Variants in MYO10 observed in about 807,000 individuals in gnomAD.
MYO10 encodes the protein myosin X.
MYO10 carries 133 observed loss-of-function variants against 257.3 expected under a neutral mutation model. The ratio of observed to expected loss-of-function variants is 0.52; its 90% confidence interval spans 0.45 to 0.60. The LOEUF (loss-of-function observed/expected upper bound fraction) is 0.60, where lower values mean the gene tolerates loss of function less well. Ranked by LOEUF, MYO10 falls within the 20% of genes least tolerant of loss-of-function variation. The probability of loss-of-function intolerance (pLI) is 0.00; values close to 1 mark genes in which losing one functional copy is unlikely to be tolerated. For synonymous variants in MYO10, 1,104 were observed against 1,028.6 expected (o/e 1.07, Z -1.40); for missense variants, 2,399 against 2,635.7 (o/e 0.91, Z 1.97).
chr5:16,934,317 G>T (rs1260264453), intron 1 of MYO10, among the ~76,000 whole-genome samples: 1 of 152,206 alleles, frequency 6.6e-6, no homozygotes, highest in African/African-American at 2.4e-5. Flanking sequence ...CGTGCAAACT[G>T]AATACAAATT....
Position 16,893,067 on chromosome 5 carries a change from G to A in MYO10, c.22-15360C>T, listed in dbSNP as rs1222315211. ...AAAAAATTAGCCGGGCGTGGTGGCG[G>A]GCGCCTGTAGTCCCAGCTACTCGGG... On this transcript the variant is annotated intron_variant, in intron 1 of 40. Transcript: ENST00000513610. Among the ~76,000 whole-genome samples, 5 of 151,648 alleles carry A rather than the reference G, an allele frequency of 3.3e-5. 1 individual carries two copies. In the East Asian group the frequency reaches 5.9e-4, roughly 18 times the overall value.
In MYO10 at chr5:16,670,643, G is replaced by A; in HGVS notation, c.5766C>T (p.Ala1922=). The A allele has an allele frequency of 1.2e-6, 2 of 1,613,994 alleles. No individual in the cohort carries two copies. Among genetic ancestry groups the A allele is most frequent in the Non-Finnish European group, 1.7e-6 (2 of 1,179,886 alleles). ...ATTTCCTCCACTTGTCAATGATACT[G>A]GCTCGAGCAGAGGAGACTTCTTCCT... ...WIKEEVSSAR[A]SIIDKWRKFQ... is the part of the protein sequence containing the mutation. Residue 1922 remains alanine, a synonymous_variant, in exon 39 of 41, where the codon GCC becomes GCT. Coordinates refer to ENST00000513610, the MANE Select transcript of MYO10 (RefSeq NM_012334.3).
chr5:16,710,221 T>C (rs976914882), intron 21 of MYO10, among the ~76,000 whole-genome samples: 6 of 152,158 alleles, frequency 3.9e-5, no homozygotes, highest in Non-Finnish European at 7.3e-5. Context: ...GTCTTTCCCA[T>C]GTGACAAGTC....
chr5:16,802,795 G>GA (rs1298838735), intron 3 of MYO10, among the ~76,000 whole-genome samples: 1 of 151,892 alleles, frequency 6.6e-6, no homozygotes, highest in East Asian at 1.9e-4. Flanking sequence ...GAAATAACAA[G>GA]AAACATTATG....
intron 3 of MYO10, among the ~76,000 whole-genome samples, chr5:16,807,042 T>A (rs114969559): frequency 3.9e-4 from 60 of 152,238 alleles, no homozygotes; most frequent in Middle Eastern, 3.4e-3. Context: ...GGGAAATGGG[T>A]TATTTAAAGT....
chr5:16,817,060 C>T (rs1742646944), intron 3 of MYO10, among the ~76,000 whole-genome samples: 1 of 152,068 alleles, frequency 6.6e-6, no homozygotes, highest in African/African-American at 2.4e-5. Flanking sequence ...CCTCGTGATC[C>T]GCCCACCTCG....
At chr5:16,775,094 A>G (rs1741176401) in intron 9 of MYO10, among the ~76,000 whole-genome samples, 1 of 152,202 alleles carries the variant, frequency 6.6e-6, no homozygotes, top group Non-Finnish European at 1.5e-5. Context: ...TCAGCCACCA[A>G]CCTGGTGGGC....
intron 28 of MYO10, 85 bp downstream of exon 28, chr5:16,689,739 C>G: frequency 2.6e-6 from 3 of 1,138,590 alleles, no homozygotes; most frequent in Non-Finnish European, 3.9e-6. Flanking sequence ...AAGGCCAGTA[C>G]AGTAAACAGT....
chr5:16,751,200 G>A (rs1740367756), intron 19 of MYO10, among the ~76,000 whole-genome samples: 1 of 152,032 alleles, frequency 6.6e-6, no homozygotes, highest in African/African-American at 2.4e-5. Context: ...CCCCATCTCT[G>A]GAGAGGAAGA....
intron 5 of MYO10, 67 bp from the exon 6 acceptor site, chr5:16,781,896 C>G: frequency 6.5e-7 from 1 of 1,541,660 alleles, no homozygotes; most frequent in Non-Finnish European, 8.8e-7. Context: ...AATAGCACTT[C>G]TCACAAATGT....
At chr5:16,676,861 A>T (rs750792205) in intron 33 of MYO10, among the ~76,000 whole-genome samples, 2 of 152,130 alleles carry the variant, frequency 1.3e-5, no homozygotes, top group Non-Finnish European at 2.9e-5. Flanking sequence ...AGAGCAAAAT[A>T]AAAAAAATTA....
rs1190770142 is a variant in MYO10 at position 16,662,236 on chromosome 5, G to C, written c.*4456C>G. The stretch of plus-strand genomic sequence containing the variant: ...ACAAATACAGAACTTTACTATAGCA[G>C]ATTTTTGACCCCAATTTAGTGTGCT... On this transcript the variant is annotated 3_prime_UTR_variant, in exon 41 of 41. Coordinates refer to ENST00000513610, the MANE Select transcript of MYO10 (RefSeq NM_012334.3). 2 of 148,662 alleles carry C rather than the reference G, an allele frequency of 1.3e-5. No homozygotes were observed. Among genetic ancestry groups the C allele is most frequent in the Non-Finnish European group, 3.0e-5 (2 of 67,408 alleles). 9.2% of individuals were successfully genotyped at this position (148,662 alleles called of 1,614,324 possible). A position where few individuals can be genotyped will look rare whatever the true frequency, so the allele number is the denominator to read the frequency against.
In MYO10 at chr5:16,668,585, G is replaced by A. The variant is rs181805248; in HGVS notation, c.5884-117C>T. On this transcript the variant is annotated intron_variant, in intron 39 of 40. Transcript: ENST00000513610. ...TCTGTGCAGAAGATTAAATATATTC[G>A]ATGTGCATGCATGCATGGAGGGGCC... 196 of 761,366 alleles carry A rather than the reference G, an allele frequency of 2.6e-4. 1 individual carries two copies. The East Asian group carries it at 3.8e-3, about 15-fold the overall frequency. 47.2% of individuals were successfully genotyped at this position (761,366 alleles called of 1,614,324 possible).
intron 22 of MYO10, among the ~76,000 whole-genome samples, 197 bp downstream of exon 22, chr5:16,704,382 A>T (rs1738233524): frequency 6.6e-6 from 1 of 152,058 alleles, no homozygotes; most frequent in Non-Finnish European, 1.5e-5. Context: ...TCTACCTGAG[A>T]AGTCAAAAAG....
At chr5:16,890,309 T>A (rs1055211138) in intron 1 of MYO10, among the ~76,000 whole-genome samples, 2 of 151,866 alleles carry the variant, frequency 1.3e-5, no homozygotes, top group African/African-American at 4.9e-5. Flanking sequence ...GCAGCTGCTG[T>A]GGAAAACAGT....
chr5:16,892,954 G>T (rs1454011743), intron 1 of MYO10, among the ~76,000 whole-genome samples: 1 of 152,024 alleles, frequency 6.6e-6, no homozygotes, highest in Non-Finnish European at 1.5e-5. Flanking sequence ...CCACCACTTT[G>T]GGAGGCCGAG....
At chr5:16,667,406 C>A (rs768721539) in intron 40 of MYO10, among the ~76,000 whole-genome samples, 2 of 152,168 alleles carry the variant, frequency 1.3e-5, no homozygotes, top group African/African-American at 4.8e-5. Flanking sequence ...GCATCATAAC[C>A]GGCTTCCATA....
chr5:16,843,487 G>A (rs2126728991), intron 2 of MYO10, among the ~76,000 whole-genome samples: 1 of 152,020 alleles, frequency 6.6e-6, no homozygotes, highest in Middle Eastern at 3.4e-3. Flanking sequence ...TCTTGCCCAG[G>A]GTCCCACAGT....
At chr5:16,855,732 A>G (rs1480207035) in intron 2 of MYO10, among the ~76,000 whole-genome samples, 1 of 152,228 alleles carries the variant, frequency 6.6e-6, no homozygotes, top group Non-Finnish European at 1.5e-5. Context: ...ACTGTCTCTC[A>G]GCTCAGCCAG....
Sources: allele counts gnomAD v4.1 joint callset (sites outside exome capture counted in the v4.1 genomes callset), GRCh38; gene constraint gnomAD v4.1.1; transcripts MANE v1.5; gene names NCBI Gene and HGNC (gene_info 2026-07-23, HGNC 2026-07-21).